Variants in CTNNA3 observed in about 807,000 individuals in gnomAD.
CTNNA3 encodes the protein catenin alpha 3, also known as catenin alpha-3.
In CTNNA3, 76 loss-of-function variants were observed where a neutral mutation model predicts 95.7. The ratio of observed to expected loss-of-function variants is 0.79; its 90% CI spans 0.66 to 0.96. The LOEUF is 0.96. CTNNA3 is among the 40% of genes least tolerant of loss of function. CTNNA3 has a pLI of 0.00. For missense variants in CTNNA3, 1,191 were observed against 1,089.8 expected, an observed-to-expected ratio of 1.09 and a Z score of -1.31; for synonymous variants, 431 against 374.4, an observed-to-expected ratio of 1.15 and a Z score of -1.74.
rs1026237825 is a variant in CTNNA3 at position 66,567,633 on chromosome 10, A to G, written c.1375-46860T>C. ...GTCTCTGTCTCGGGGAAAAAATAAA[A>G]TAAAAATAAACGAGAGAGAGAGGAA... On this transcript the variant is annotated intron_variant, in intron 10 of 17. Coordinates refer to ENST00000433211, the MANE Select transcript of CTNNA3 (RefSeq NM_013266.4). Among the ~76,000 whole-genome samples the G allele has an allele frequency of 1.3e-4, 19 of 151,926 alleles. 1 individual carries two copies. Among genetic ancestry groups the G allele is most frequent in the Admixed American group, 9.2e-4 (14 of 15,268 alleles).
chr10:67,135,366 A>T (rs1860243004), intron 7 of CTNNA3, among the ~76,000 whole-genome samples: 1 of 152,140 alleles, frequency 6.6e-6, no homozygotes, highest in Admixed American at 6.6e-5. Flanking sequence ...CTGACCAGAT[A>T]TATGCAGTAA....
intron 7 of CTNNA3, among the ~76,000 whole-genome samples, chr10:67,159,738 C>A (rs921715912): frequency 6.6e-6 from 1 of 152,050 alleles, no homozygotes; most frequent in Non-Finnish European, 1.5e-5. Flanking sequence ...GGATTAAAGA[C>A]TTAAACATAA....
chr10:65,924,717 T>C (rs1293535912), intron 17 of CTNNA3, among the ~76,000 whole-genome samples: 4 of 152,200 alleles, frequency 2.6e-5, no homozygotes, highest in South Asian at 4.1e-4. Context: ...ATTAGTTTGT[T>C]CTCACGCTGC....
intron 5 of CTNNA3, among the ~76,000 whole-genome samples, chr10:67,394,972 A>G (rs1359453458): frequency 6.6e-6 from 1 of 152,142 alleles, no homozygotes; most frequent in African/African-American, 2.4e-5. Context: ...CATCAACAAA[A>G]AGAAACATTG....
chr10:66,163,266 T>C (rs1163467101), intron 13 of CTNNA3, among the ~76,000 whole-genome samples: 1 of 152,080 alleles, frequency 6.6e-6, no homozygotes, highest in Admixed American at 6.6e-5. Context: ...GTTCCGTTAG[T>C]GATTTCCTCC....
chr10:66,232,667 C>G (rs2089645070), intron 13 of CTNNA3, among the ~76,000 whole-genome samples: 1 of 152,020 alleles, frequency 6.6e-6, no homozygotes, highest in South Asian at 2.1e-4. Flanking sequence ...AGTGCAAGGA[C>G]AAACATTACA....
intron 11 of CTNNA3, among the ~76,000 whole-genome samples, chr10:66,454,493 G>T (rs1367243660): frequency 6.6e-6 from 1 of 151,982 alleles, no homozygotes; most frequent in African/African-American, 2.4e-5. Context: ...TAAATAAAAA[G>T]AACCAAACAC....
chr10:66,740,909 C>G (rs944102313), intron 9 of CTNNA3, among the ~76,000 whole-genome samples: 1 of 152,158 alleles, frequency 6.6e-6, no homozygotes, highest in African/African-American at 2.4e-5. Flanking sequence ...AGCTTACAAT[C>G]TAGACTGTGC....
chr10:67,088,984 TTAGA>T (rs1327714121), intron 7 of CTNNA3, among the ~76,000 whole-genome samples: 1 of 151,982 alleles, frequency 6.6e-6, no homozygotes, highest in Admixed American at 6.6e-5. Flanking sequence ...TAATGACTAC[TTAGA>T]TAGAATATAC....
intron 5 of CTNNA3, among the ~76,000 whole-genome samples, chr10:67,343,404 A>AT (rs1301715259): frequency 1.3e-5 from 2 of 152,068 alleles, no homozygotes; most frequent in African/African-American, 4.8e-5. Context: ...ATATCTTTCC[A>AT]TTTTTTGGTG....
rs77593813 is a variant in CTNNA3 at position 66,168,016 on chromosome 10, T to C, written c.1885-64767A>G. Among the ~76,000 whole-genome samples the C allele has an allele frequency of 6.6e-3, 1,009 of 152,284 alleles. 21 individuals carry two copies. The highest frequency in any genetic ancestry group is 0.023 in the African/African-American group (940 of 41,564). ...CATGACAGCTGGAGCTCTTGGCCAATTGCCCTCCTTGTGGTTGGAGATCTA... is the reference window on the plus strand; with the variant it reads ...CATGACAGCTGGAGCTCTTGGCCAACTGCCCTCCTTGTGGTTGGAGATCTA... On this transcript the variant is annotated intron_variant, in intron 13 of 17. Coordinates refer to ENST00000433211, the MANE Select transcript of CTNNA3 (RefSeq NM_013266.4).
intron 5 of CTNNA3, among the ~76,000 whole-genome samples, chr10:67,296,361 CA>C (rs1840030292): frequency 2.0e-5 from 3 of 152,142 alleles, no homozygotes; most frequent in Non-Finnish European, 4.4e-5. Flanking sequence ...TATATACATA[CA>C]GTAAACCCAG....
At chr10:67,543,715 C>A (rs770595144) in intron 3 of CTNNA3, among the ~76,000 whole-genome samples, 3 of 152,070 alleles carry the variant, frequency 2.0e-5, no homozygotes, top group Non-Finnish European at 2.9e-5. Context: ...ACACATATAA[C>A]ATGCATTAGT....
chr10:66,337,767 T>C (rs2092412480), intron 12 of CTNNA3, among the ~76,000 whole-genome samples: 1 of 151,974 alleles, frequency 6.6e-6, no homozygotes, highest in Admixed American at 6.6e-5. Context: ...AACAAGAATG[T>C]AAAGAAATGA....
intron 5 of CTNNA3, among the ~76,000 whole-genome samples, chr10:67,410,716 T>C (rs1845333616): frequency 1.3e-5 from 2 of 151,656 alleles, no homozygotes; most frequent in East Asian, 1.9e-4. Context: ...CACTACTAGG[T>C]ATATACCCAA....
rs1310074508 is a variant in CTNNA3 at position 67,202,644 on chromosome 10, T to G, written c.843+16963A>C. On this transcript the variant is annotated intron_variant, in intron 6 of 17. Transcript: ENST00000433211. ...CATAGGCTACTTCTCTTTTCTTGATTTCACCTTACTCTGAGAACATGTCTA... is the reference window on the plus strand; with the variant it reads ...CATAGGCTACTTCTCTTTTCTTGATGTCACCTTACTCTGAGAACATGTCTA... Among the ~76,000 whole-genome samples the G allele has an allele frequency of 2.6e-5, 4 of 152,180 alleles. No homozygotes were observed. In the East Asian group the frequency reaches 7.7e-4, roughly 29 times the overall value.
chr10:66,273,617 C>A (rs1414946294), intron 13 of CTNNA3, among the ~76,000 whole-genome samples: 1 of 152,084 alleles, frequency 6.6e-6, no homozygotes, highest in African/African-American at 2.4e-5. Context: ...AAAGGCGAGG[C>A]TAAAATTTAA....
At position 67,181,984 on chromosome 10, in the gene CTNNA3, G is replaced by T. The variant is rs1042782281; in HGVS notation, c.844-1464C>A. 2.6e-5 allele frequency among the ~76,000 whole-genome samples: 4 copies of T among 151,950 alleles called. No individual in the cohort carries two copies. In the East Asian group the frequency reaches 5.8e-4, roughly 22 times the overall value. ...AATACCTAGGAATCCAACTTACAAG[G>T]GATGTGAAGGACCTCTTCAAGGAGA... On this transcript the variant is annotated intron_variant, in intron 6 of 17. Coordinates refer to ENST00000433211, the MANE Select transcript of CTNNA3 (RefSeq NM_013266.4).
intron 1 of CTNNA3, among the ~76,000 whole-genome samples, 199 bp downstream of exon 1, chr10:67,695,801 A>G (rs946353915): frequency 6.6e-6 from 1 of 152,224 alleles, no homozygotes; most frequent in Non-Finnish European, 1.5e-5. Flanking sequence ...AGTTATTTAT[A>G]ACTTTAAAAT....
Sources: allele counts gnomAD v4.1 joint callset (sites outside exome capture counted in the v4.1 genomes callset), GRCh38; gene constraint gnomAD v4.1.1; transcripts MANE v1.5; gene names NCBI Gene and HGNC (gene_info 2026-07-23, HGNC 2026-07-21).